The following NAV2 variants were observed in gnomAD, a reference collection of about 807,000 sequenced individuals.
NAV2 encodes neuron navigator 2.
In NAV2, 54 loss-of-function variants were observed where a neutral mutation model predicts 223.2. That is an observed-to-expected ratio of 0.24 (90% CI 0.19 to 0.30). The LOEUF is 0.30. Among genes scored for constraint, NAV2 ranks in the 10% least tolerant of loss-of-function variants. NAV2 has a pLI of 1.00. For synonymous variants in NAV2, 1,279 were observed against 1,239.3 expected, an observed-to-expected ratio of 1.03 and a Z score of -0.67; for missense variants, 2,806 against 3,147.5, an observed-to-expected ratio of 0.89 and a Z score of 2.60.
chr11:19,500,010 A>C (rs984894), intron 1 of NAV2, among the ~76,000 whole-genome samples: 66,661 of 151,522 alleles, frequency 0.44, 14,753 homozygotes, highest in Middle Eastern at 0.55. Context: ...ACACACATCC[A>C]CACACACGCA....
chr11:19,512,453 G>A (rs1180508085), intron 1 of NAV2, among the ~76,000 whole-genome samples: 1 of 152,192 alleles, frequency 6.6e-6, no homozygotes, highest in Admixed American at 6.5e-5. Context: ...TGTGTCTGGG[G>A]AGAACCAGAG....
rs199898061 is a variant in NAV2 at position 19,630,922 on chromosome 11, C to A, written c.76-201562C>A. Among the ~76,000 whole-genome samples the A allele has an allele frequency of 7.3e-3, 731 of 100,030 alleles. 1 individual carries two copies. Among genetic ancestry groups the A allele is most frequent in the Non-Finnish European group, 8.9e-3 (485 of 54,542 alleles). The allele number at this position is 100,030 out of a possible 152,430, so 65.6% of individuals were successfully genotyped here. ...CACCCCAAAACAAAGGGTCCTGTTG[C>A]AAAAAAAAAAAAAAAGGAAAAAAGA... On this transcript the variant is annotated intron_variant, in intron 1 of 37. Transcript: ENST00000360655.
chr11:19,594,532 C>T (rs1016704417), intron 1 of NAV2, among the ~76,000 whole-genome samples: 4 of 151,470 alleles, frequency 2.6e-5, no homozygotes, highest in Admixed American at 6.6e-5. Flanking sequence ...AGCACAGTAA[C>T]GAGTCAGGAT....
chr11:19,950,499 C>T (rs771124994), intron 10 of NAV2, among the ~76,000 whole-genome samples: 1 of 152,250 alleles, frequency 6.6e-6, no homozygotes, highest in Non-Finnish European at 1.5e-5. Context: ...TGAAATACTA[C>T]AACTACTAGA....
chr11:19,727,198 A>G (rs992716468), intron 1 of NAV2, among the ~76,000 whole-genome samples: 2 of 152,160 alleles, frequency 1.3e-5, no homozygotes, highest in Admixed American at 1.3e-4. Flanking sequence ...GTGCAGCAGT[A>G]ATTAGAGGGC....
At chr11:19,747,597 G>A (rs1337473370) in intron 1 of NAV2, among the ~76,000 whole-genome samples, 1 of 152,182 alleles carries the variant, frequency 6.6e-6, no homozygotes, top group East Asian at 1.9e-4. Context: ...GACTAGGGCT[G>A]AGTCTCAATG....
intron 11 of NAV2, among the ~76,000 whole-genome samples, chr11:20,023,544 T>G (rs767921292): frequency 6.6e-6 from 1 of 152,092 alleles, no homozygotes; most frequent in African/African-American, 2.4e-5. Context: ...GTGGGGGCAG[T>G]ACAGAGGGGT....
intron 1 of NAV2, among the ~76,000 whole-genome samples, chr11:19,615,938 C>CT (rs899882375): frequency 6.6e-5 from 10 of 152,160 alleles, no homozygotes; most frequent in Non-Finnish European, 1.0e-4. Flanking sequence ...TAGCCAGCCC[C>CT]TACCCCTAAC....
At chr11:19,762,010 A>AG (rs1163463981) in intron 1 of NAV2, among the ~76,000 whole-genome samples, 2 of 152,118 alleles carry the variant, frequency 1.3e-5, no homozygotes, top group South Asian at 2.1e-4. Context: ...TGGGAGGCCA[A>AG]GGGGGGCGGA....
chr11:19,972,384 A>AT (rs2049325150), intron 10 of NAV2, among the ~76,000 whole-genome samples: 1 of 152,182 alleles, frequency 6.6e-6, no homozygotes, highest in Non-Finnish European at 1.5e-5. Flanking sequence ...TAATTTGAGC[A>AT]TCCGATAGTC....
chr11:19,844,499 A>G (rs2152952573), intron 3 of NAV2, among the ~76,000 whole-genome samples: 1 of 152,274 alleles, frequency 6.6e-6, no homozygotes, highest in East Asian at 1.9e-4. Context: ...AATGTTTTGG[A>G]TTTTGGAATA....
At chr11:19,537,422 A>G (rs1319033637) in intron 1 of NAV2, among the ~76,000 whole-genome samples, 2 of 152,230 alleles carry the variant, frequency 1.3e-5, no homozygotes, top group East Asian at 3.8e-4. Context: ...AGAGAAATCA[A>G]GTAACTTTCC....
intron 3 of NAV2, among the ~76,000 whole-genome samples, chr11:19,850,279 C>A (rs918722754): frequency 6.6e-6 from 1 of 152,124 alleles, no homozygotes; most frequent in African/African-American, 2.4e-5. Flanking sequence ...CCCCAAGTGT[C>A]CTGTGCCTGC....
intron 1 of NAV2, among the ~76,000 whole-genome samples, chr11:19,706,029 C>A (rs1051534175): frequency 6.6e-6 from 1 of 152,186 alleles, no homozygotes; most frequent in African/African-American, 2.4e-5. Flanking sequence ...CAGCTTAGAA[C>A]TGGCAGACTT....
At chr11:19,704,903 C>T (rs891784997) in intron 1 of NAV2, among the ~76,000 whole-genome samples, 2 of 148,276 alleles carry the variant, frequency 1.3e-5, no homozygotes, top group South Asian at 2.1e-4. Flanking sequence ...CCCAGCTACT[C>T]GGGAGGCTGA....
intron 25 of NAV2, 35 bp from the exon 26 acceptor site, chr11:20,082,972 C>T (rs749121998): frequency 1.3e-6 from 2 of 1,583,352 alleles, no homozygotes; most frequent in Non-Finnish European, 1.7e-6. Flanking sequence ...GCATTGGTTG[C>T]CCCCGCTGTG....
chr11:19,354,931 G>C (rs560292351), intron 1 of NAV2, among the ~76,000 whole-genome samples: 2 of 152,276 alleles, frequency 1.3e-5, no homozygotes, highest in South Asian at 4.1e-4. Flanking sequence ...AGACTTACCT[G>C]GGTGCCACAT....
At chr11:19,764,424 A>G (rs77364176) in intron 1 of NAV2, among the ~76,000 whole-genome samples, 1,949 of 152,342 alleles carry the variant, frequency 0.013, 50 homozygotes, top group African/African-American at 0.044. Flanking sequence ...GTCCCCAAAT[A>G]AAAATGCTTC....
intron 1 of NAV2, among the ~76,000 whole-genome samples, chr11:19,776,668 G>GTGTGTGTGTC (rs1170413542): frequency 6.7e-6 from 1 of 150,050 alleles, no homozygotes; most frequent in Admixed American, 6.6e-5. Flanking sequence ...GTGTGTGTGT[G>GTGTGTGTGTC]TGTGTGTGGT....
Sources: allele counts gnomAD v4.1 joint callset (sites outside exome capture counted in the v4.1 genomes callset), GRCh38; gene constraint gnomAD v4.1.1; transcripts MANE v1.5; gene names NCBI Gene and HGNC (gene_info 2026-07-23, HGNC 2026-07-21).